Variants in PRKN observed in about 807,000 individuals in gnomAD.
PRKN encodes the protein E3 ubiquitin-protein ligase parkin.
Under a neutral mutation model 59.5 loss-of-function variants are expected in PRKN, and 56 were observed. That is an observed-to-expected ratio of 0.94 (90% CI 0.76 to 1.18). The LOEUF (loss-of-function observed/expected upper bound fraction) is 1.18. Ranked by LOEUF, PRKN falls within the 50% of genes most tolerant of loss-of-function variation. PRKN has a pLI of 0.00. For synonymous variants in PRKN, 250 were observed against 222.1 expected (o/e 1.13, Z -1.12); for missense variants, 657 against 596.4 (o/e 1.10, Z -1.06).
At chr6:162,159,723 A>G (rs541497184) in intron 4 of PRKN, among the ~76,000 whole-genome samples, 1 of 152,338 alleles carries the variant, frequency 6.6e-6, no homozygotes, top group Non-Finnish European at 1.5e-5. Flanking sequence ...AGTTACAGTC[A>G]TCAAGAAAGT....
At chr6:162,577,957 T>G (rs1332269715) in intron 1 of PRKN, among the ~76,000 whole-genome samples, 2 of 152,142 alleles carry the variant, frequency 1.3e-5, no homozygotes, top group Non-Finnish European at 2.9e-5. Context: ...TAAAAAATTT[T>G]GAAAACTAAA....
chr6:162,678,385 T>C (rs1166276548), intron 1 of PRKN, among the ~76,000 whole-genome samples: 1 of 152,218 alleles, frequency 6.6e-6, no homozygotes, highest in African/African-American at 2.4e-5. Flanking sequence ...CCATACTTTT[T>C]CCCAAAGTGG....
At chr6:162,074,292 T>G (rs1778720133) in intron 4 of PRKN, among the ~76,000 whole-genome samples, 1 of 129,672 alleles carries the variant, frequency 7.7e-6, no homozygotes, top group Admixed American at 8.6e-5. Flanking sequence ...CATGGAATAC[T>G]ATGCAGCCAT....
intron 1 of PRKN, among the ~76,000 whole-genome samples, chr6:162,687,554 T>C (rs1481323195): frequency 6.6e-6 from 1 of 152,144 alleles, no homozygotes; most frequent in Non-Finnish European, 1.5e-5. Context: ...TGCTCATAAA[T>C]GGCCATGCTT....
chr6:161,859,264 G>A (rs1440966583), intron 6 of PRKN, among the ~76,000 whole-genome samples: 1 of 152,010 alleles, frequency 6.6e-6, no homozygotes, highest in Non-Finnish European at 1.5e-5. Flanking sequence ...AATAGGCCAC[G>A]TGTGCTAATT....
At chr6:162,522,707 A>C (rs951889520) in intron 1 of PRKN, among the ~76,000 whole-genome samples, 1 of 152,100 alleles carries the variant, frequency 6.6e-6, no homozygotes, top group African/African-American at 2.4e-5. Flanking sequence ...CCCATGCTCT[A>C]AAGTCTTTCT....
At chr6:161,745,317 G>T (rs560018825) in intron 7 of PRKN, among the ~76,000 whole-genome samples, 2 of 152,322 alleles carry the variant, frequency 1.3e-5, no homozygotes, top group African/African-American at 4.8e-5. Flanking sequence ...TGGTGGCCTT[G>T]CCAGAGCCTT....
chr6:161,435,351 C>T (rs1307650138), intron 9 of PRKN, among the ~76,000 whole-genome samples: 1 of 152,174 alleles, frequency 6.6e-6, no homozygotes, highest in Non-Finnish European at 1.5e-5. Context: ...CTGACGCCTC[C>T]TGCCTGGTTG....
chr6:162,691,230 T>C (rs991745654), intron 1 of PRKN, among the ~76,000 whole-genome samples: 1 of 152,140 alleles, frequency 6.6e-6, no homozygotes, highest in African/African-American at 2.4e-5. Flanking sequence ...CAAAAGCATT[T>C]CAATTAGATA....
At chr6:161,555,527 T>C (rs1055473770) in intron 8 of PRKN, among the ~76,000 whole-genome samples, 12 of 152,336 alleles carry the variant, frequency 7.9e-5, no homozygotes, top group Middle Eastern at 6.8e-3. Flanking sequence ...TTCAAAAATA[T>C]GGGGGCTTCC....
In PRKN at chr6:162,227,486, G is replaced by C. The variant is rs546106666; in HGVS notation, c.413-26234C>G. On this transcript the variant is annotated intron_variant, in intron 3 of 11. Transcript: ENST00000366898. ...ATATCCAATTATAGTTTAAATGTAA[G>C]AGACTCTCTCAATGATCAATAAATC... Among the ~76,000 whole-genome samples the C allele has an allele frequency of 2.6e-5, 4 of 152,102 alleles. No individual in the cohort carries two copies. The East Asian group carries it at 7.8e-4, about 29-fold the overall frequency.
At chr6:162,640,217 C>A (rs1427610406) in intron 1 of PRKN, among the ~76,000 whole-genome samples, 2 of 152,064 alleles carry the variant, frequency 1.3e-5, no homozygotes. Flanking sequence ...AGGCTTCCAA[C>A]TAAGAACTTG....
At chr6:161,389,762 T>C (rs561570002) in intron 9 of PRKN, among the ~76,000 whole-genome samples, 6 of 152,320 alleles carry the variant, frequency 3.9e-5, no homozygotes, top group Non-Finnish European at 8.8e-5. Flanking sequence ...ATCTTATCTG[T>C]TGGTGTGAAA....
chr6:162,595,042 C>T lies in PRKN; in HGVS notation c.7+132620G>A, dbSNP rs536854183. On this transcript the variant is annotated intron_variant, in intron 1 of 11. Coordinates refer to ENST00000366898, the MANE Select transcript of PRKN (RefSeq NM_004562.3). ...ACAAAAAATTAGCTGGGCACTGTGG[C>T]GGGTGCCTGTAGTCCCAGCTACTTG... Among the ~76,000 whole-genome samples, 26 of 151,888 alleles carry T rather than the reference C, an allele frequency of 1.7e-4. No homozygotes were observed. In the South Asian group the frequency reaches 4.2e-3, roughly 24 times the overall value.
chr6:162,189,636 C>A (rs1210975566), intron 4 of PRKN, among the ~76,000 whole-genome samples: 7 of 151,550 alleles, frequency 4.6e-5, no homozygotes, highest in African/African-American at 1.7e-4. Context: ...TAAGGGAGCC[C>A]AGAACAGGGG....
intron 9 of PRKN, among the ~76,000 whole-genome samples, chr6:161,411,152 C>A (rs1366410176): frequency 1.3e-5 from 2 of 152,100 alleles, no homozygotes; most frequent in African/African-American, 2.4e-5. Context: ...ACCCTGGAGG[C>A]TCTAGGTCAG....
intron 4 of PRKN, among the ~76,000 whole-genome samples, chr6:162,119,920 T>C (rs1780832797): frequency 6.6e-6 from 1 of 152,210 alleles, no homozygotes; most frequent in African/African-American, 2.4e-5. Flanking sequence ...TTTTGGATGT[T>C]ATTTTCTGCA....
At chr6:162,097,960 T>C (rs890467479) in intron 4 of PRKN, among the ~76,000 whole-genome samples, 1 of 152,204 alleles carries the variant, frequency 6.6e-6, no homozygotes, top group African/African-American at 2.4e-5. Context: ...GGTAAGAGCG[T>C]TGACCATGGT....
chr6:161,377,707 G>A lies in PRKN; in HGVS notation c.1167+9087C>T, dbSNP rs35996169. ...GATTGGGTCATAAGTCAGAGCCCTC[G>A]GGAATGGGATTAGTGCCCTTATAAA... On this transcript the variant is annotated intron_variant, in intron 10 of 11. Coordinates refer to ENST00000366898, the MANE Select transcript of PRKN (RefSeq NM_004562.3). The surrounding 1 kb of genome is among the most constrained non-coding windows in gnomAD (Gnocchi z 4.2). 0.15 allele frequency among the ~76,000 whole-genome samples: 22,363 copies of A among 152,044 alleles called. 1,767 individuals are homozygous for A. The highest frequency in any genetic ancestry group is 0.17 in the Non-Finnish European group (11,662 of 67,996).
Sources: allele counts gnomAD v4.1 joint callset (sites outside exome capture counted in the v4.1 genomes callset), GRCh38; gene constraint gnomAD v4.1.1; non-coding constraint Gnocchi (gnomAD v3.1); transcripts MANE v1.5; gene names NCBI Gene and HGNC (gene_info 2026-07-23, HGNC 2026-07-21).